The following HK1 variants were observed in gnomAD, a reference collection of about 807,000 sequenced individuals.
HK1 encodes the protein hexokinase-1.
Under a neutral mutation model 91.6 loss-of-function variants are expected in HK1, and 28 were observed. The ratio of observed to expected loss-of-function variants is 0.31; its 90% CI spans 0.23 to 0.42. HK1 has a LOEUF of 0.42. Ranked by LOEUF, HK1 falls within the 10% of genes least tolerant of loss-of-function variation. HK1 has a pLI of 1.00. For synonymous variants in HK1, 430 were observed against 468.1 expected (o/e 0.92, Z 1.05); for missense variants, 770 against 1,219.8 (o/e 0.63, Z 5.49).
intron 5 of HK1, among the ~76,000 whole-genome samples, chr10:69,301,581 A>T (rs1236519376): frequency 6.6e-6 from 1 of 150,780 alleles, no homozygotes; most frequent in Non-Finnish European, 1.5e-5. Context: ...CTCAAAAAAA[A>T]AAAAAAAAAA....
rs58435739 is a variant in HK1, at chr10:69,302,755, CAAA to C, written c.27+1911_27+1913del. On this transcript the variant is annotated intron_variant, in intron 5 of 21. Transcript: ENST00000360289. ...TGGGCAAAACTATGGGACCCTGTCT[CAAA>C]AAAAAAAAAAAAAAAAGTTTGTAGG... Among the ~76,000 whole-genome samples, 800 of 127,472 alleles carry C rather than the reference CAAA, an allele frequency of 6.3e-3. 4 individuals are homozygous for C. The highest frequency in any genetic ancestry group is 0.027 in the South Asian group (103 of 3,830). 83.6% of individuals were successfully genotyped at this position (127,472 alleles called of 152,430 possible). A position where few individuals can be genotyped will look rare whatever the true frequency, so the allele number is the denominator to read the frequency against.
At chr10:69,395,696 T>C (rs1206854731) in intron 16 of HK1, among the ~76,000 whole-genome samples, 1 of 152,232 alleles carries the variant, frequency 6.6e-6, no homozygotes, top group East Asian at 1.9e-4. Flanking sequence ...TTTCAGATGG[T>C]AAAGATGCAC....
In HK1 at chr10:69,401,172, T is replaced by C; in HGVS notation, c.*37T>C. ...CCCCAGCCTACTGCCTCTCCAGCAC[T>C]TCTCTCTTCAAGCGGCGACCCCCTA... On this transcript the variant is annotated 3_prime_UTR_variant, in exon 18 of 18. Coordinates refer to ENST00000359426, the MANE Select transcript of HK1 (RefSeq NM_000188.3). The C allele has an allele frequency of 6.2e-7, 1 of 1,603,280 alleles. No individual in the cohort carries two copies. The highest frequency in any genetic ancestry group is 8.5e-7 in the Non-Finnish European group (1 of 1,176,050).
intron 5 of HK1, among the ~76,000 whole-genome samples, chr10:69,305,762 A>C (rs1292415417): frequency 3.3e-5 from 5 of 151,932 alleles, no homozygotes; most frequent in African/African-American, 1.2e-4. Flanking sequence ...CTGAGGGAGG[A>C]GAATCGTTTG....
chr10:69,295,324 T>C (rs1845505242), intron 3 of HK1, among the ~76,000 whole-genome samples: 1 of 152,208 alleles, frequency 6.6e-6, no homozygotes, highest in African/African-American at 2.4e-5. Context: ...TAGTGGATTG[T>C]GGGCTCCTTG....
In HK1 at chr10:69,395,100, C is replaced by T. The variant is rs150711083; in HGVS notation, c.2370C>T (p.Ile790=). The change falls in exon 16 of 18, where the codon ATC becomes ATT. Residue 790 remains isoleucine (I), a synonymous_variant. Transcript: ENST00000359426. Reference sequence around the variant, plus strand: ...TTGAGACCAAGTTTCTCTCTCAGATCGAGAGGTGAGTGGGCAGTGTCTTCC... The same window carrying T: ...TTGAGACCAAGTTTCTCTCTCAGATTGAGAGGTGAGTGGGCAGTGTCTTCC... The part of the protein sequence containing the change: ...GIFETKFLSQ[I]ESDRLALLQV... The T allele has an allele frequency of 3.6e-5, 58 of 1,613,664 alleles. 1 individual carries two copies. In the Middle Eastern group the frequency reaches 5.0e-4, roughly 14 times the overall value.
chr10:69,301,335 G>C (rs1845853946), intron 5 of HK1, among the ~76,000 whole-genome samples: 1 of 151,622 alleles, frequency 6.6e-6, no homozygotes, highest in African/African-American at 2.4e-5. Flanking sequence ...TCCTGGCTGG[G>C]TGTGGTGGTG....
rs1845818744 is a variant in HK1, at chr10:69,300,709, GAA to G, written c.-66-58_-66-57del. ...TAACCATGCTTCATCATCACAGTGA[GAA>G]ACCAGACGATGACTTTGGAGCATGG... On this transcript the variant is annotated intron_variant, in intron 4 of 21. Coordinates refer to the HK1 transcript ENST00000360289. 1.7e-5 allele frequency: 17 copies of G among 975,118 alleles called. No individual in the cohort carries two copies. The Admixed American group carries it at 2.6e-4, about 15-fold the overall frequency. 60.4% of individuals were successfully genotyped at this position (975,118 alleles called of 1,614,324 possible).
chr10:69,338,226 C>A, intron 1 of HK1: 1 of 1,109,128 alleles, frequency 9.0e-7, no homozygotes, highest in Non-Finnish European at 1.1e-6. Flanking sequence ...CCTGTGCAGC[C>A]GGTCTGGCTA....
At chr10:69,319,360 G>A (rs901587531) in intron 1 of HK1, among the ~76,000 whole-genome samples, 1 of 152,246 alleles carries the variant, frequency 6.6e-6, no homozygotes, top group South Asian at 2.1e-4. Context: ...TCCGAGCGCC[G>A]TGGGAGGAGG....
At chr10:69,390,842 G>A (rs1307925817) in intron 14 of HK1, among the ~76,000 whole-genome samples, 1 of 152,200 alleles carries the variant, frequency 6.6e-6, no homozygotes, top group African/African-American at 2.4e-5. Flanking sequence ...TGATCCAGGT[G>A]CATATTAAAG....
intron 1 of HK1, among the ~76,000 whole-genome samples, chr10:69,273,880 C>G (rs1290821021): frequency 1.3e-5 from 2 of 152,018 alleles, no homozygotes; most frequent in African/African-American, 4.8e-5. Context: ...AACATAATTA[C>G]AAAAATCATC....
At chr10:69,392,387 A>G in intron 15 of HK1, 79 bp downstream of exon 15, 1 of 1,461,350 alleles carries the variant, frequency 6.8e-7, no homozygotes, top group Non-Finnish European at 9.6e-7. Flanking sequence ...TTGCAGTGGA[A>G]GAAGTTTCTA....
intron 1 of HK1, among the ~76,000 whole-genome samples, chr10:69,337,193 G>T (rs1274279388): frequency 6.6e-6 from 1 of 152,126 alleles, no homozygotes; most frequent in Non-Finnish European, 1.5e-5. Context: ...TCTGTCCACA[G>T]CCCTGTGTAC....
In HK1 at chr10:69,319,063, C is replaced by A. The variant is rs1846844947; in HGVS notation, c.63+53C>A. 4 of 1,554,582 alleles carry A rather than the reference C, an allele frequency of 2.6e-6. No homozygotes were observed. In the East Asian group the frequency reaches 9.7e-5, roughly 38 times the overall value. ...TCCTGGCCGCAGCCTTGCGTTCCGG[C>A]ATCCGCTCGCCGCCTCCGCTGCCTC... On this transcript the variant is annotated intron_variant, in intron 1 of 17. Transcript: ENST00000359426.
chr10:69,323,265 T>G (rs1314207635), intron 1 of HK1, among the ~76,000 whole-genome samples: 2 of 149,050 alleles, frequency 1.3e-5, no homozygotes, highest in Admixed American at 1.3e-4. Flanking sequence ...AAAAGAAAAT[T>G]ATGAAAAATC....
intron 8 of HK1, 72 bp from the exon 9 acceptor site, chr10:69,379,790 C>A: frequency 1.8e-6 from 2 of 1,099,270 alleles, no homozygotes; most frequent in Non-Finnish European, 2.8e-6. Flanking sequence ...CTTTCCAGCA[C>A]CTTTGAGCCT....
chr10:69,387,415 A>T (rs1839690918), intron 13 of HK1, among the ~76,000 whole-genome samples: 1 of 152,044 alleles, frequency 6.6e-6, no homozygotes, highest in African/African-American at 2.4e-5. Context: ...CAGCCTCCCT[A>T]GTAGCTGGGA....
chr10:69,349,467 A>C (rs979258495), intron 2 of HK1, among the ~76,000 whole-genome samples: 7 of 152,184 alleles, frequency 4.6e-5, no homozygotes, highest in Non-Finnish European at 1.0e-4. Context: ...GTCTTTCCTA[A>C]CCAATGGAGC....
Sources: allele counts gnomAD v4.1 joint callset (sites outside exome capture counted in the v4.1 genomes callset), GRCh38; gene constraint gnomAD v4.1.1; transcripts MANE v1.5; gene names NCBI Gene and HGNC (gene_info 2026-07-23, HGNC 2026-07-21).